Variants in IL1RAPL1 observed in about 807,000 individuals in gnomAD.
IL1RAPL1 encodes interleukin-1 receptor accessory protein-like 1.
A neutral mutation model predicts 48.4 loss-of-function variants in IL1RAPL1; 3 were observed. The ratio of observed to expected loss-of-function variants is 0.06; its 90% CI spans 0.03 to 0.16. The LOEUF is 0.16. IL1RAPL1 is among the 10% of genes least tolerant of loss of function. The pLI is 1.00. For synonymous variants in IL1RAPL1, 185 were observed against 187.7 expected (o/e 0.99, Z 0.12); for missense variants, 349 against 530.6 (o/e 0.66, Z 3.36).
intron 5 of IL1RAPL1, among the ~76,000 whole-genome samples, chrX:29,645,358 A>T (rs1366369136): frequency 2.7e-5 from 3 of 111,733 alleles, no homozygotes; most frequent in African/African-American, 9.8e-5. Context: ...GAAAAGACGC[A>T]TCAAAGAGGG....
rs1224933369 is a variant in IL1RAPL1 at position 29,240,195 on chromosome X, CATATAT to C, written c.83-42718_83-42713del. On this transcript the variant is annotated intron_variant, in intron 2 of 10. Coordinates refer to ENST00000378993, the MANE Select transcript of IL1RAPL1 (RefSeq NM_014271.4). The stretch of plus-strand genomic sequence containing the variant: ...AGTAGTATATAGGTACACACACACA[CATATAT>C]ATATATATATATATATATATATATT... 5.5e-3 allele frequency among the ~76,000 whole-genome samples: 149 copies of C among 27,213 alleles called. 4 individuals carry two copies. The highest frequency in any genetic ancestry group is 0.03 in the East Asian group (29 of 961). 23.6% of individuals were successfully genotyped at this position (27,213 alleles called of 115,157 possible). A position where few individuals can be genotyped will look rare whatever the true frequency, so the allele number is the denominator to read the frequency against.
At chrX:29,433,646 AG>A (rs1934446990) in intron 5 of IL1RAPL1, among the ~76,000 whole-genome samples, 1 of 111,456 alleles carries the variant, frequency 9.0e-6, no homozygotes, top group African/African-American at 3.2e-5. Context: ...TTTACAACAT[AG>A]GGTATTATCA....
intron 5 of IL1RAPL1, among the ~76,000 whole-genome samples, chrX:29,523,566 A>T (rs761423225): frequency 8.9e-6 from 1 of 112,076 alleles, no homozygotes; most frequent in South Asian, 3.7e-4. Context: ...GCTTCAAAAA[A>T]CACACTGAAT....
chrX:29,080,850 C>G (rs751026182), intron 2 of IL1RAPL1, among the ~76,000 whole-genome samples: 4 of 107,144 alleles, frequency 3.7e-5, no homozygotes, highest in Non-Finnish European at 7.7e-5. Flanking sequence ...TCAAGCAATC[C>G]TCCCACCTCA....
At chrX:29,396,648 C>G (rs1933922702) in intron 4 of IL1RAPL1, among the ~76,000 whole-genome samples, 1 of 111,946 alleles carries the variant, frequency 8.9e-6, no homozygotes, top group Admixed American at 9.5e-5. Flanking sequence ...TGGTAATCCA[C>G]TGTAATAAGC....
At chrX:28,687,287 T>G (rs1022838346) in intron 1 of IL1RAPL1, among the ~76,000 whole-genome samples, 1 of 111,846 alleles carries the variant, frequency 8.9e-6, no homozygotes, top group African/African-American at 3.2e-5. Flanking sequence ...TATTAAAATT[T>G]TATTAGGTAA....
intron 7 of IL1RAPL1, among the ~76,000 whole-genome samples, chrX:29,918,578 T>C (rs147835274): frequency 0.011 from 1,261 of 109,908 alleles, 20 homozygotes; most frequent in African/African-American, 0.038. Context: ...ACACAATCTC[T>C]GTCATTTCCT....
intron 1 of IL1RAPL1, among the ~76,000 whole-genome samples, chrX:28,697,200 G>A (rs1214117635): frequency 1.8e-5 from 2 of 110,190 alleles, no homozygotes; most frequent in African/African-American, 6.6e-5. Flanking sequence ...TAAATATCCT[G>A]CCAGTTTTTT....
At chrX:29,527,542 G>A (rs747906359) in intron 5 of IL1RAPL1, among the ~76,000 whole-genome samples, 28 of 108,624 alleles carry the variant, frequency 2.6e-4, no homozygotes, top group Admixed American at 2.4e-3. Context: ...GGCCAAGATG[G>A]TCTCGATCTC....
chrX:28,837,802 C>G (rs866869920), intron 2 of IL1RAPL1, among the ~76,000 whole-genome samples: 1 of 100,620 alleles, frequency 9.9e-6, no homozygotes, highest in Non-Finnish European at 2.0e-5. Flanking sequence ...ATATTCCTGT[C>G]TACCACCACC....
intron 2 of IL1RAPL1, among the ~76,000 whole-genome samples, chrX:29,185,582 A>T (rs1442364701): frequency 8.9e-6 from 1 of 111,987 alleles, no homozygotes; most frequent in Non-Finnish European, 1.9e-5. Context: ...CCTGTGCTTT[A>T]TTTGTTTATG....
chrX:29,148,237 A>G (rs1929388991), intron 2 of IL1RAPL1, among the ~76,000 whole-genome samples: 1 of 111,957 alleles, frequency 8.9e-6, no homozygotes, highest in South Asian at 3.7e-4. Context: ...ATTTCAACTT[A>G]TTGGATTTGT....
chrX:28,899,787 G>A (rs1367741027), intron 2 of IL1RAPL1, among the ~76,000 whole-genome samples: 1 of 111,688 alleles, frequency 9.0e-6, no homozygotes, highest in African/African-American at 3.3e-5. Context: ...GGCTTGTAGA[G>A]GGCTCAGTGG....
intron 2 of IL1RAPL1, among the ~76,000 whole-genome samples, chrX:29,132,797 C>T (rs760462323): frequency 2.3e-4 from 26 of 111,505 alleles, no homozygotes; most frequent in Middle Eastern, 4.7e-3. Flanking sequence ...TGGTATCTTC[C>T]TACCTTTTTA....
chrX:28,799,864 C>T (rs771607167), intron 2 of IL1RAPL1, among the ~76,000 whole-genome samples: 7 of 110,889 alleles, frequency 6.3e-5, no homozygotes, highest in African/African-American at 2.0e-4. Flanking sequence ...GCAATTTTTG[C>T]GGGGAGAGTG....
At chrX:28,730,820 A>G (rs910805814) in intron 1 of IL1RAPL1, among the ~76,000 whole-genome samples, 2 of 112,133 alleles carry the variant, frequency 1.8e-5, no homozygotes, top group Non-Finnish European at 3.8e-5. Context: ...CAATAGTTTT[A>G]ATGAATGCCT....
intron 2 of IL1RAPL1, among the ~76,000 whole-genome samples, chrX:28,945,553 G>A (rs751467454): frequency 9.1e-6 from 1 of 110,175 alleles, no homozygotes; most frequent in East Asian, 2.9e-4. Context: ...TGAACAATGA[G>A]AACACATGAC....
At chrX:29,826,236 G>A (rs1398382298) in intron 6 of IL1RAPL1, among the ~76,000 whole-genome samples, 3 of 111,047 alleles carry the variant, frequency 2.7e-5, no homozygotes, top group Non-Finnish European at 3.8e-5. Flanking sequence ...TATAAAAGCT[G>A]TCCTTTGGAA....
At chrX:29,819,405 TG>T (rs775253624) in intron 6 of IL1RAPL1, among the ~76,000 whole-genome samples, 4 of 110,739 alleles carry the variant, frequency 3.6e-5, no homozygotes, top group African/African-American at 9.9e-5. Context: ...TGTACCATGG[TG>T]GGGGGGAAAT....
Sources: gnomAD v4.1 joint callset for allele counts (sites outside exome capture counted in the v4.1 genomes callset) on GRCh38, gnomAD v4.1.1 for gene constraint, MANE v1.5 for transcripts, NCBI Gene and HGNC (gene_info 2026-07-23, HGNC 2026-07-21) for gene names.